Variants in AGBL4 observed in about 807,000 individuals in gnomAD.
AGBL4 encodes AGBL carboxypeptidase 4.
In AGBL4, 58 loss-of-function variants were observed where a neutral mutation model predicts 66.4. The ratio of observed to expected loss-of-function variants is 0.87; its 90% CI spans 0.71 to 1.09. AGBL4 has a LOEUF of 1.09. AGBL4 is among the 50% of genes least tolerant of loss of function. The pLI is 0.00. For synonymous variants in AGBL4, 234 were observed against 222.9 expected (o/e 1.05, Z -0.44); for missense variants, 579 against 631.0 (o/e 0.92, Z 0.88).
intron 5 of AGBL4, among the ~76,000 whole-genome samples, chr1:48,891,420 G>A (rs1352415572): frequency 1.3e-5 from 2 of 152,196 alleles, no homozygotes; most frequent in Non-Finnish European, 2.9e-5. Context: ...CACTAAGCAC[G>A]TATTTTGGAC....
chr1:49,979,910 C>G (rs1658921008), intron 1 of AGBL4, among the ~76,000 whole-genome samples: 1 of 152,096 alleles, frequency 6.6e-6, no homozygotes, highest in Non-Finnish European at 1.5e-5. Flanking sequence ...CTGTGGTTAT[C>G]CATTTCAGAA....
intron 1 of AGBL4, among the ~76,000 whole-genome samples, chr1:49,915,919 T>G (rs1651421994): frequency 1.3e-5 from 2 of 152,164 alleles, no homozygotes; most frequent in South Asian, 4.1e-4. Flanking sequence ...CAACATTTAC[T>G]GTTCAGCAAT....
intron 1 of AGBL4, among the ~76,000 whole-genome samples, chr1:49,949,986 A>G (rs549510238): frequency 9.0e-5 from 12 of 133,212 alleles, no homozygotes; most frequent in East Asian, 2.5e-4. Flanking sequence ...ACACATATGT[A>G]TATATATATG....
chr1:48,844,414 T>G (rs1003605139), intron 6 of AGBL4, among the ~76,000 whole-genome samples: 8 of 152,228 alleles, frequency 5.3e-5, no homozygotes, highest in Non-Finnish European at 1.0e-4. Flanking sequence ...GACTTCTTTG[T>G]GTTTAAAATC....
rs571055560 is a variant in AGBL4 at position 48,827,761 on chromosome 1, G to T, written c.634+39430C>A. Among the ~76,000 whole-genome samples, 20 of 152,282 alleles carry T rather than the reference G, an allele frequency of 1.3e-4. No individual in the cohort carries two copies. In the South Asian group the frequency reaches 4.1e-3, roughly 32 times the overall value. ...CTGGGAAATTTTCCACAGGCTGGGG[G>T]ATGAGACAAACCTCATGTGGTGGAT... On this transcript the variant is annotated intron_variant, in intron 6 of 13. Coordinates refer to ENST00000371839, the MANE Select transcript of AGBL4 (RefSeq NM_032785.4).
chr1:48,844,750 T>C (rs576500100), intron 6 of AGBL4, among the ~76,000 whole-genome samples: 25 of 152,318 alleles, frequency 1.6e-4, no homozygotes, highest in African/African-American at 5.5e-4. Context: ...CTATGGCTTA[T>C]ATATTTAAGT....
intron 1 of AGBL4, among the ~76,000 whole-genome samples, chr1:49,946,915 C>T (rs1282439052): frequency 1.3e-5 from 2 of 151,774 alleles, no homozygotes; most frequent in Non-Finnish European, 2.9e-5. Flanking sequence ...TCATTCAAGG[C>T]TACTATGAAC....
chr1:49,281,936 G>T (rs1396114759), intron 3 of AGBL4, among the ~76,000 whole-genome samples: 1 of 152,212 alleles, frequency 6.6e-6, no homozygotes, highest in Non-Finnish European at 1.5e-5. Context: ...GCCTGAGGAA[G>T]GGGCTGTGGA....
chr1:49,177,397 C>T (rs1035508514), intron 4 of AGBL4, among the ~76,000 whole-genome samples: 1 of 152,052 alleles, frequency 6.6e-6, no homozygotes, highest in African/African-American at 2.4e-5. Flanking sequence ...AATCATAATC[C>T]CCAAGGAACA....
At chr1:49,541,484 G>A (rs572639873) in intron 3 of AGBL4, among the ~76,000 whole-genome samples, 2 of 152,348 alleles carry the variant, frequency 1.3e-5, no homozygotes, top group South Asian at 4.1e-4. Context: ...CGGGCCAGGA[G>A]CTGTGGAGGG....
chr1:49,832,595 T>A (rs1299936253), intron 2 of AGBL4, among the ~76,000 whole-genome samples: 1 of 151,922 alleles, frequency 6.6e-6, no homozygotes, highest in Admixed American at 6.6e-5. Flanking sequence ...ATGGTTGAAC[T>A]AGTTTACAGT....
intron 5 of AGBL4, among the ~76,000 whole-genome samples, chr1:48,974,166 G>A (rs149399511): frequency 1.2e-4 from 18 of 152,218 alleles, no homozygotes; most frequent in Middle Eastern, 3.4e-3. Flanking sequence ...AAAGAAGGAC[G>A]AAAGTTTAGG....
intron 4 of AGBL4, among the ~76,000 whole-genome samples, chr1:49,086,736 T>C (rs1371516695): frequency 6.6e-6 from 1 of 151,994 alleles, no homozygotes; most frequent in Non-Finnish European, 1.5e-5. Context: ...TCCAGCCCAG[T>C]GGTCCTGCCT....
At chr1:49,317,721 A>C (rs1645064973) in intron 3 of AGBL4, among the ~76,000 whole-genome samples, 1 of 151,976 alleles carries the variant, frequency 6.6e-6, no homozygotes, top group Non-Finnish European at 1.5e-5. Flanking sequence ...GTGTTGCTTC[A>C]GTTACACAGT....
chr1:49,202,772 G>C (rs541325810), intron 4 of AGBL4, among the ~76,000 whole-genome samples: 1 of 151,742 alleles, frequency 6.6e-6, no homozygotes, highest in Non-Finnish European at 1.5e-5. Flanking sequence ...CAACATCAAA[G>C]ATTAAAACTA....
intron 5 of AGBL4, among the ~76,000 whole-genome samples, chr1:48,972,525 T>C (rs1269052480): frequency 6.6e-6 from 1 of 152,164 alleles, no homozygotes; most frequent in Non-Finnish European, 1.5e-5. Flanking sequence ...GTAGGCATCA[T>C]TATCCCATTT....
intron 2 of AGBL4, among the ~76,000 whole-genome samples, chr1:49,833,723 G>A: frequency 6.6e-6 from 1 of 152,122 alleles, no homozygotes; most frequent in Non-Finnish European, 1.5e-5. Context: ...GTTGTAAGTT[G>A]GATTCCTAGG....
intron 4 of AGBL4, among the ~76,000 whole-genome samples, chr1:49,163,975 C>G (rs914539195): frequency 3.3e-5 from 5 of 151,986 alleles, no homozygotes; most frequent in African/African-American, 1.2e-4. Flanking sequence ...ATTCACGAAG[C>G]CGTTAGAAAA....
At chr1:49,844,188 G>A (rs1646076287) in intron 2 of AGBL4, among the ~76,000 whole-genome samples, 1 of 152,158 alleles carries the variant, frequency 6.6e-6, no homozygotes, top group Non-Finnish European at 1.5e-5. Flanking sequence ...GAGTGAGATG[G>A]CACAACAGCA....
Sources: allele counts gnomAD v4.1 joint callset (sites outside exome capture counted in the v4.1 genomes callset), GRCh38; gene constraint gnomAD v4.1.1; transcripts MANE v1.5; gene names NCBI Gene and HGNC (gene_info 2026-07-23, HGNC 2026-07-21).